The following PEX5L variants were observed in gnomAD, a reference collection of about 807,000 sequenced individuals.
PEX5L encodes peroxisomal biogenesis factor 5 like, also known as PEX5-related protein.
A neutral mutation model predicts 84.0 loss-of-function variants in PEX5L; 30 were observed. That is an observed-to-expected ratio of 0.36 (90% CI 0.27 to 0.48). PEX5L has a LOEUF of 0.48. Among genes scored for constraint, PEX5L ranks in the 20% least tolerant of loss-of-function variants. The pLI is 0.99. For synonymous variants in PEX5L, 270 were observed against 283.1 expected (o/e 0.95, Z 0.46); for missense variants, 533 against 754.6 (o/e 0.71, Z 3.44).
chr3:179,898,341 T>A, intron 2 of PEX5L, 95 bp from the exon 3 acceptor site: 1 of 821,728 alleles, frequency 1.2e-6, no homozygotes, highest in Admixed American at 2.2e-5. Context: ...CAATCCAACA[T>A]AAATGAAGAG....
At chr3:180,001,116 C>A (rs1340587777) in intron 1 of PEX5L, among the ~76,000 whole-genome samples, 2 of 152,022 alleles carry the variant, frequency 1.3e-5, no homozygotes, top group Non-Finnish European at 2.9e-5. Flanking sequence ...ACAAAGCAGG[C>A]AGGAAAATGT....
At chr3:180,027,578 G>A (rs1304237162) in intron 1 of PEX5L, among the ~76,000 whole-genome samples, 1 of 152,036 alleles carries the variant, frequency 6.6e-6, no homozygotes, top group Non-Finnish European at 1.5e-5. Context: ...TACAGTACGT[G>A]TATGTCCTAT....
Position 179,974,314 on chromosome 3 carries a change from C to T in PEX5L, c.22-2649G>A, listed in dbSNP as rs1442518671. 5 of 348,628 alleles carry T rather than the reference C, an allele frequency of 1.4e-5. No individual in the cohort carries two copies. The East Asian group carries it at 6.7e-4, about 46-fold the overall frequency. 21.6% of individuals were successfully genotyped at this position (348,628 alleles called of 1,614,324 possible). On this transcript the variant is annotated intron_variant, in intron 1 of 14. Transcript: ENST00000467460. ...AGCCACAGGGCAATCACTTCCTGTG[C>T]TCCTCCCACCTTCAGTGGCAAGACA...
intron 8 of PEX5L, among the ~76,000 whole-genome samples, chr3:179,825,379 T>C (rs965385141): frequency 6.6e-6 from 1 of 152,214 alleles, no homozygotes; most frequent in Non-Finnish European, 1.5e-5. Context: ...TGAGGAGTGC[T>C]GTAAAGATGA....
intron 1 of PEX5L, among the ~76,000 whole-genome samples, chr3:180,027,884 C>T (rs1046222582): frequency 1.3e-5 from 2 of 151,922 alleles, no homozygotes; most frequent in African/African-American, 4.8e-5. Flanking sequence ...ATAGAGTAGC[C>T]TTTATTTTGG....
intron 1 of PEX5L, among the ~76,000 whole-genome samples, chr3:179,990,629 C>A (rs909992917): frequency 6.6e-6 from 1 of 152,148 alleles, no homozygotes; most frequent in Non-Finnish European, 1.5e-5. Context: ...TCTTGAACTC[C>A]TGGCCTCAGG....
chr3:179,990,738 A>G (rs1371156311), intron 1 of PEX5L, among the ~76,000 whole-genome samples: 2 of 152,158 alleles, frequency 1.3e-5, no homozygotes, highest in Non-Finnish European at 1.5e-5. Context: ...GTTAGTACCA[A>G]TAATTCCTTG....
intron 2 of PEX5L, among the ~76,000 whole-genome samples, chr3:179,963,381 G>A (rs895748259): frequency 2.6e-5 from 4 of 152,138 alleles, no homozygotes; most frequent in Non-Finnish European, 4.4e-5. Context: ...AAATTGGCCA[G>A]TTTTCTTTGG....
rs1255047780 is a variant in PEX5L, at chr3:179,874,397, T to C, written c.656A>G (p.Glu219Gly). Residue 219 changes from glutamate (E) to glycine (G), a missense_variant, in exon 7 of 15, where the codon GAA (glutamate) becomes GGA (glycine). Glu to Gly is a moderately conservative substitution (Grantham distance 98). Coordinates refer to ENST00000467460, the MANE Select transcript of PEX5L (RefSeq NM_016559.3). Reference sequence around the variant, plus strand: ...GAGGGCGCTTTTTCCACCACTCAGTTCTGGTTGAGATCTGTGTTCTGAGGA... The same window carrying C: ...GAGGGCGCTTTTTCCACCACTCAGTCCTGGTTGAGATCTGTGTTCTGAGGA... ...LWSSEHRSQP[E>G]LSGGKSALNS... 1 of 1,611,490 alleles carries C rather than the reference T, an allele frequency of 6.2e-7. No individual in the cohort carries two copies. The highest frequency in any genetic ancestry group is 8.5e-7 in the Non-Finnish European group (1 of 1,178,054).
chr3:179,974,065 ACTTTG>A (rs1477056780), intron 1 of PEX5L: 1 of 985,268 alleles, frequency 1.0e-6, no homozygotes, highest in Non-Finnish European at 1.2e-6. Flanking sequence ...TCAGCTTCCC[ACTTTG>A]CTTAGCTCAG....
chr3:179,843,272 G>A (rs1737992141), intron 8 of PEX5L, among the ~76,000 whole-genome samples: 1 of 152,142 alleles, frequency 6.6e-6, no homozygotes, highest in Non-Finnish European at 1.5e-5. Flanking sequence ...ATCACCTGAA[G>A]ATCTTTTCAG....
At chr3:180,034,658 A>G (rs1791742111) in intron 1 of PEX5L, among the ~76,000 whole-genome samples, 2 of 152,172 alleles carry the variant, frequency 1.3e-5, no homozygotes, top group Non-Finnish European at 2.9e-5. Flanking sequence ...TATGCTTAAC[A>G]TTAATGGTTA....
At chr3:179,977,849 T>C (rs1445450012) in intron 1 of PEX5L, among the ~76,000 whole-genome samples, 1 of 152,220 alleles carries the variant, frequency 6.6e-6, no homozygotes, top group Non-Finnish European at 1.5e-5. Flanking sequence ...TCTTGTCTTT[T>C]TAAAAGACAC....
At chr3:179,974,546 A>G (rs1351328058) in intron 1 of PEX5L, among the ~76,000 whole-genome samples, 1 of 152,218 alleles carries the variant, frequency 6.6e-6, no homozygotes, top group Non-Finnish European at 1.5e-5. Flanking sequence ...CTTTGCTGAC[A>G]GTGCTTCACC....
chr3:179,863,890 G>A (rs567030738), intron 7 of PEX5L, among the ~76,000 whole-genome samples: 3 of 152,240 alleles, frequency 2.0e-5, no homozygotes, highest in Non-Finnish European at 2.9e-5. Context: ...CCCACATGTT[G>A]TGGGAGGGAC....
At chr3:179,853,764 C>CTCT (rs755770618) in intron 8 of PEX5L, among the ~76,000 whole-genome samples, 27 of 151,348 alleles carry the variant, frequency 1.8e-4, no homozygotes, top group Admixed American at 4.6e-4. Context: ...CTTCTTCCTC[C>CTCT]TCTTCTTCTT....
intron 4 of PEX5L, among the ~76,000 whole-genome samples, chr3:179,886,369 G>A (rs1755857579): frequency 6.6e-6 from 1 of 152,162 alleles, no homozygotes; most frequent in Non-Finnish European, 1.5e-5. Flanking sequence ...GAAAGTGAGA[G>A]CTGAATTTAG....
At chr3:179,976,860 T>C (rs936503716) in intron 1 of PEX5L, among the ~76,000 whole-genome samples, 1 of 152,116 alleles carries the variant, frequency 6.6e-6, no homozygotes, top group African/African-American at 2.4e-5. Flanking sequence ...TGTGTAAAGA[T>C]ACTGATCATG....
chr3:179,931,251 C>T (rs1773027193), intron 2 of PEX5L, among the ~76,000 whole-genome samples: 1 of 152,184 alleles, frequency 6.6e-6, no homozygotes, highest in South Asian at 2.1e-4. Flanking sequence ...AATAACGGAC[C>T]TGGCAAAGCT....
Sources: allele counts gnomAD v4.1 joint callset (sites outside exome capture counted in the v4.1 genomes callset), GRCh38; gene constraint gnomAD v4.1.1; transcripts MANE v1.5; gene names NCBI Gene and HGNC (gene_info 2026-07-23, HGNC 2026-07-21).